Variants in SYT12 observed in about 807,000 individuals in gnomAD.
SYT12 encodes the protein synaptotagmin 12.
Under a neutral mutation model 39.5 loss-of-function variants are expected in SYT12, and 27 were observed. That is an observed-to-expected ratio of 0.68 (90% CI 0.50 to 0.94). The LOEUF (loss-of-function observed/expected upper bound fraction) is 0.94. SYT12 is among the 40% of genes least tolerant of loss of function. The probability of loss-of-function intolerance (pLI) is 0.00; values close to 1 mark genes in which losing one functional copy is unlikely to be tolerated. For missense variants in SYT12, 536 were observed against 572.6 expected (o/e 0.94, Z 0.65); for synonymous variants, 233 against 239.7 (o/e 0.97, Z 0.26).
chr11:67,018,531 A>C (rs1165029547), upstream of SYT12, among the ~76,000 whole-genome samples: 1 of 151,786 alleles, frequency 6.6e-6, no homozygotes, highest in Non-Finnish European at 1.5e-5. Flanking sequence ...TCTCTTAAAA[A>C]AGAAAAAGAG....
intron 7 of SYT12, among the ~76,000 whole-genome samples, chr11:67,046,706 C>G (rs1423459182): frequency 6.6e-6 from 1 of 152,158 alleles, no homozygotes; most frequent in Non-Finnish European, 1.5e-5. Flanking sequence ...CCCTGGGTGT[C>G]ATAGTGCCAC....
intron 3 of SYT12, among the ~76,000 whole-genome samples, chr11:67,012,747 G>A (rs879861590): frequency 6.6e-6 from 1 of 152,116 alleles, no homozygotes; most frequent in Non-Finnish European, 1.5e-5. Flanking sequence ...AGGTTGGCAC[G>A]GTTATTAACT....
At chr11:67,034,302 A>C (rs1182449417) in intron 2 of SYT12, among the ~76,000 whole-genome samples, 2 of 152,190 alleles carry the variant, frequency 1.3e-5, no homozygotes, top group Non-Finnish European at 2.9e-5. Context: ...ATCATCCTAA[A>C]TCCAAAAATC....
intron 4 of SYT12, among the ~76,000 whole-genome samples, chr11:67,041,871 G>T (rs866891393): frequency 3.3e-5 from 5 of 152,312 alleles, no homozygotes; most frequent in South Asian, 4.1e-4. Context: ...CAGAGCAGAG[G>T]GGGGAAGGGT....
At chr11:67,030,520 T>A in intron 2 of SYT12, 1 of 276,562 alleles carries the variant, frequency 3.6e-6, no homozygotes, top group Non-Finnish European at 6.8e-6. Context: ...CTGTGGAGAC[T>A]GTCAAGTAGC....
chr11:67,029,362 G>T (rs1345411481), intron 1 of SYT12: 2 of 152,216 alleles, frequency 1.3e-5, no homozygotes, highest in African/African-American at 4.8e-5. Context: ...AAGCCAGGGG[G>T]GCCTTGCTCT....
chr11:67,011,521 C>T (rs1306733239), intron 3 of SYT12, among the ~76,000 whole-genome samples: 7 of 152,188 alleles, frequency 4.6e-5, no homozygotes, highest in African/African-American at 7.2e-5. Flanking sequence ...GGATTACAGG[C>T]GTGAGCCACT....
At chr11:67,047,777 CTTTTTTTTTTTTTTT>C (rs1173796349) in intron 7 of SYT12, among the ~76,000 whole-genome samples, 5 of 76,060 alleles carry the variant, frequency 6.6e-5, no homozygotes, top group Admixed American at 1.3e-4. Context: ...ACCCCCATCT[CTTTTTTTTTTTTTTT>C]TTTTTTTTTT....
Position 67,034,745 on chromosome 11 carries a change from G to C in SYT12, c.135G>C (p.Ser45=). The C allele has an allele frequency of 1.2e-6, 2 of 1,603,458 alleles. No individual in the cohort carries two copies. Among genetic ancestry groups the C allele is most frequent in the South Asian group, 2.2e-5 (2 of 89,336 alleles). Residue 45 remains serine, a synonymous_variant, in exon 3 of 8, where the codon TCG becomes TCC. Coordinates refer to ENST00000527043, the MANE Select transcript of SYT12 (RefSeq NM_177963.4). ...AAVSLWKLWT[S]GSFPSPSPFP... ...TGAGCCTGTGGAAGCTCTGGACGTC[G>C]GGGAGCTTCCCCAGCCCCTCTCCGT...
chr11:67,048,378 A>G (rs1389295828), intron 7 of SYT12, among the ~76,000 whole-genome samples: 2 of 151,954 alleles, frequency 1.3e-5, no homozygotes, highest in Non-Finnish European at 2.9e-5. Flanking sequence ...CTGAGGGCCT[A>G]GGCAGGCCTA....
intron 2 of SYT12, chr11:67,032,905 C>CAA (rs562451881): frequency 1.2e-4 from 8 of 67,198 alleles, no homozygotes; most frequent in South Asian, 5.4e-4. Context: ...AACTCCATCT[C>CAA]AAAAAAAAAA....
intron 1 of SYT12, among the ~76,000 whole-genome samples, chr11:67,008,023 G>C (rs1026917045): frequency 6.7e-6 from 1 of 149,248 alleles, no homozygotes; most frequent in African/African-American, 2.5e-5. Context: ...GCCTGATCTC[G>C]GCTCAGTGCA....
chr11:67,043,925 C>A (rs1950562361), intron 5 of SYT12, 72 bp downstream of exon 5: 1 of 1,308,226 alleles, frequency 7.6e-7, no homozygotes, highest in Non-Finnish European at 1.1e-6. Flanking sequence ...GGGACTCCAT[C>A]ATCCTCATCA....
At chr11:67,014,062 T>G (rs143900805) in intron 3 of SYT12, among the ~76,000 whole-genome samples, 31 of 152,330 alleles carry the variant, frequency 2.0e-4, no homozygotes, top group African/African-American at 7.5e-4. Flanking sequence ...ATGTCCCTGT[T>G]TTCTTTCTTA....
intron 1 of SYT12, chr11:67,029,362 G>C (rs1345411481): frequency 6.6e-6 from 1 of 152,216 alleles, no homozygotes; most frequent in African/African-American, 2.4e-5. Flanking sequence ...AAGCCAGGGG[G>C]GCCTTGCTCT....
chr11:67,042,686 A>G (rs954971419), intron 4 of SYT12, among the ~76,000 whole-genome samples: 19 of 152,178 alleles, frequency 1.2e-4, no homozygotes, highest in Non-Finnish European at 1.3e-4. Flanking sequence ...TAGCCGAAGG[A>G]GGGAGAGGCA....
intron 3 of SYT12, among the ~76,000 whole-genome samples, chr11:67,035,185 T>C (rs1033498393): frequency 2.6e-5 from 4 of 151,734 alleles, no homozygotes; most frequent in African/African-American, 9.7e-5. Context: ...AATTTCATAT[T>C]TTTAGTAGAT....
chr11:67,022,999 C>G (rs1223833896), upstream of SYT12: 1 of 152,308 alleles, frequency 6.6e-6, no homozygotes, highest in Admixed American at 6.5e-5. Context: ...CCCAGGCCGG[C>G]TGGCTCTGAG....
In SYT12 at chr11:67,050,189, C is replaced by T. The variant is rs1011900804; in HGVS notation, c.*1432C>T. ...ACTGGCATCAGTCTTTGGTTACCCC[C>T]CAGCCCCAGTAGGAGGAGAGCAGGC... is the stretch of plus-strand genomic sequence containing the variant. On this transcript the variant is annotated 3_prime_UTR_variant, in exon 8 of 8. Transcript: ENST00000527043. 6 of 152,250 alleles carry T rather than the reference C, an allele frequency of 3.9e-5. No individual in the cohort carries two copies. Among genetic ancestry groups the T allele is most frequent in the African/African-American group, 1.4e-4 (6 of 41,394 alleles). 9.4% of individuals were successfully genotyped at this position (152,250 alleles called of 1,614,324 possible). A position where few individuals can be genotyped will look rare whatever the true frequency, so the allele number is the denominator to read the frequency against.
Sources: allele counts gnomAD v4.1 joint callset (sites outside exome capture counted in the v4.1 genomes callset), GRCh38; gene constraint gnomAD v4.1.1; transcripts MANE v1.5; gene names NCBI Gene and HGNC (gene_info 2026-07-23, HGNC 2026-07-21).